The following POLR3H variants were observed in gnomAD, a reference collection of about 807,000 sequenced individuals.
The protein encoded by POLR3H is DNA-directed RNA polymerase III subunit RPC8.
A neutral mutation model predicts 25.5 loss-of-function variants in POLR3H; 17 were observed. The observed-to-expected ratio is 0.67, with a 90% confidence interval of 0.46 to 1.00. The LOEUF (loss-of-function observed/expected upper bound fraction) is 1.00, where lower values mean the gene tolerates loss of function less well. Ranked by LOEUF, POLR3H falls within the 50% of genes least tolerant of loss-of-function variation. The pLI is 0.00. For missense variants in POLR3H, 274 were observed against 265.0 expected (o/e 1.03, Z -0.24); for synonymous variants, 129 against 103.0 (o/e 1.25, Z -1.53).
chr22:41,532,716 A>G lies in POLR3H; in HGVS notation c.238T>C (p.Phe80Leu), dbSNP rs1335546585. The change falls in exon 3 of 6, where the codon TTC becomes CTC. Residue 80 changes from phenylalanine (F) to leucine (L), a missense_variant. Physicochemically the swap from Phe to Leu is conservative, Grantham distance 22 (BLOSUM62 0). Coordinates refer to ENST00000355209, the MANE Select transcript of POLR3H (RefSeq NM_001018050.4). ...TTCCCAATGAGAATCTCATCTAGGA[A>G]TGGATGAAACACCACGCAGCGAAAA... ...VHFRCVVFHP[F>L]LDEILIGKIK... is the part of the protein sequence containing the mutation. 1.9e-6 allele frequency: 3 copies of G among 1,613,960 alleles called. No homozygotes were observed. The highest frequency in any genetic ancestry group is 2.7e-5 in the African/African-American group (2 of 74,924).
Position 41,530,887 on chromosome 22 carries a change from C to T in POLR3H, c.361G>A (p.Asp121Asn). 6.2e-7 allele frequency: 1 copy of T among 1,613,652 alleles called. No individual in the cohort carries two copies. The highest frequency in any genetic ancestry group is 8.5e-7 in the Non-Finnish European group (1 of 1,180,006). The stretch of plus-strand genomic sequence containing the variant: ...CACACCCACACCTGCTCCGCTTCGT[C>T]GCTGAGGGGGTCCAGGGTCAAGGCA... ...PESLQQPAKF[D>N]EAEQVWVWEY... Residue 121 changes from aspartate (D) to asparagine (N), a missense_variant and splice_region_variant, in exon 5 of 6, where the codon GAC (aspartate) becomes AAC (asparagine). Physicochemically the swap from Asp to Asn is conservative, Grantham distance 23. Transcript: ENST00000355209.
intron 5 of POLR3H, chr22:41,529,540 G>T: frequency 1.5e-6 from 1 of 666,488 alleles, no homozygotes; most frequent in Non-Finnish European, 2.7e-6. Flanking sequence ...CTTCTCCAGG[G>T]ACTCCAGGCC....
intron 2 of POLR3H, among the ~76,000 whole-genome samples, chr22:41,534,662 C>T (rs1215176859): frequency 5.9e-5 from 9 of 151,942 alleles, no homozygotes; most frequent in East Asian, 3.9e-4. Context: ...GAGGTCGAGG[C>T]GGGCGGATCA....
Position 41,526,038 on chromosome 22 carries a change from T to C in POLR3H, c.*3245A>G, listed in dbSNP as rs1007926635. On this transcript the variant is annotated 3_prime_UTR_variant, in exon 6 of 6. Transcript: ENST00000355209. ...GCGGCCTCTGCCCCATAAGGGAGAC[T>C]GAGCAGCCAGAGGCCTTTGAGGGGA... 1 of 496,718 alleles carries C rather than the reference T, an allele frequency of 2.0e-6. No homozygotes were observed. The highest frequency in any genetic ancestry group is 1.9e-5 in the African/African-American group (1 of 51,872). The allele number at this position is 496,718 out of a possible 1,614,324, so 30.8% of individuals were successfully genotyped here.
intron 2 of POLR3H, among the ~76,000 whole-genome samples, chr22:41,537,898 C>T (rs1353321277): frequency 6.6e-6 from 1 of 151,948 alleles, no homozygotes; most frequent in East Asian, 1.9e-4. Flanking sequence ...TCAAGCGATT[C>T]TCCTGCCTCC....
chr22:41,543,415 C>T (rs527395086), intron 1 of POLR3H, among the ~76,000 whole-genome samples: 1 of 151,918 alleles, frequency 6.6e-6, no homozygotes, highest in Non-Finnish European at 1.5e-5. Context: ...ATCAAGAGAT[C>T]GAGACCATCC....
At position 41,528,723 on chromosome 22, in the gene POLR3H, A is replaced by G; in HGVS notation, c.*560T>C. 6.9e-7 allele frequency: 1 copy of G among 1,440,500 alleles called. No homozygotes were observed. Among genetic ancestry groups the G allele is most frequent in the Non-Finnish European group, 9.3e-7 (1 of 1,079,374 alleles). 89.2% of individuals were successfully genotyped at this position (1,440,500 alleles called of 1,614,324 possible). ...TCCTATTCCAAGATGGTGTGACCAG[A>G]CATGCTTCCTGCTCCCCGCTTAGCC... On this transcript the variant is annotated 3_prime_UTR_variant, in exon 6 of 6. Transcript: ENST00000355209.
chr22:41,541,726 C>T lies in POLR3H; in HGVS notation c.112-931G>A, dbSNP rs375392856. Among the ~76,000 whole-genome samples, 74 of 152,350 alleles carry T rather than the reference C, an allele frequency of 4.9e-4. No homozygotes were observed. In the South Asian group the frequency reaches 7.3e-3, roughly 15 times the overall value. ...CTATATTCCCTTCTTGGACTTTCCA[C>T]ACCTTCTCTCTCAAGGTCCACACCT... On this transcript the variant is annotated intron_variant, in intron 1 of 5. Coordinates refer to ENST00000355209, the MANE Select transcript of POLR3H (RefSeq NM_001018050.4).
intron 2 of POLR3H, among the ~76,000 whole-genome samples, chr22:41,537,290 ACTGT>A (rs1453132510): frequency 6.6e-6 from 1 of 152,064 alleles, no homozygotes; most frequent in Non-Finnish European, 1.5e-5. Flanking sequence ...CTGTTATTAT[ACTGT>A]GTGCACAGAT....
Position 41,527,811 on chromosome 22 carries a change from G to A in POLR3H, c.*1472C>T. On this transcript the variant is annotated 3_prime_UTR_variant, in exon 6 of 6. Coordinates refer to ENST00000355209, the MANE Select transcript of POLR3H (RefSeq NM_001018050.4). ...GCATTGTCCCAGGCAGCAGGATTAGGGGCATCTCCCAGAGCCCCAGATGGG... is the reference window on the plus strand; with the variant it reads ...GCATTGTCCCAGGCAGCAGGATTAGAGGCATCTCCCAGAGCCCCAGATGGG... 6.3e-7 allele frequency: 1 copy of A among 1,595,310 alleles called. No homozygotes were observed.
chr22:41,529,521 G>T, intron 5 of POLR3H, 185 bp from the exon 6 acceptor site: 1 of 662,992 alleles, frequency 1.5e-6, no homozygotes. Flanking sequence ...AGCACGCAGG[G>T]CGCAGACCCT....
intron 5 of POLR3H, among the ~76,000 whole-genome samples, chr22:41,530,248 G>A (rs1418677703): frequency 6.6e-6 from 1 of 152,060 alleles, no homozygotes; most frequent in Non-Finnish European, 1.5e-5. Flanking sequence ...CAAGTAGCTG[G>A]GACCACAGGG....
In POLR3H at chr22:41,544,198, C is replaced by A; in HGVS notation, c.-97G>T. 2.8e-6 allele frequency: 2 copies of A among 707,076 alleles called. No individual in the cohort carries two copies. Among genetic ancestry groups the A allele is most frequent in the South Asian group, 3.7e-5 (2 of 54,388 alleles). 43.8% of individuals were successfully genotyped at this position (707,076 alleles called of 1,614,324 possible). Reference sequence around the variant, plus strand: ...CCGAGCCCCTTGGTCCCGTCCCAGTCGCTGAGGCCCCCAGGCTGGCGGTGA... The same window carrying A: ...CCGAGCCCCTTGGTCCCGTCCCAGTAGCTGAGGCCCCCAGGCTGGCGGTGA... On this transcript the variant is annotated 5_prime_UTR_variant, in exon 1 of 6. Coordinates refer to ENST00000355209, the MANE Select transcript of POLR3H (RefSeq NM_001018050.4).
intron 2 of POLR3H, chr22:41,539,711 A>G (rs927353868): frequency 6.6e-6 from 1 of 152,198 alleles, no homozygotes; most frequent in Non-Finnish European, 1.5e-5. Context: ...GAACCTTAAA[A>G]CCGCCAAGCC....
At position 41,544,436 on chromosome 22, in the gene POLR3H, A is replaced by ACGCACCACGCACCGCGCACCG. The variant is rs1555894503; in HGVS notation, c.-336_-335insCGGTGCGCGGTGCGTGGTGCG. 2,507 of 187,208 alleles carry ACGCACCACGCACCGCGCACCG rather than the reference A, an allele frequency of 0.013. 49 individuals are homozygous for ACGCACCACGCACCGCGCACCG. The highest frequency in any genetic ancestry group is 0.053 in the African/African-American group (2,234 of 42,070). 11.6% of individuals were successfully genotyped at this position (187,208 alleles called of 1,614,324 possible). A position where few individuals can be genotyped will look rare whatever the true frequency, so the allele number is the denominator to read the frequency against. On this transcript the variant is annotated 5_prime_UTR_variant, in exon 1 of 6. Coordinates refer to ENST00000355209, the MANE Select transcript of POLR3H (RefSeq NM_001018050.4). The stretch of plus-strand genomic sequence containing the variant: ...CCGCTCGTATCACGCACCACGCACC[A>ACGCACCACGCACCGCGCACCG]CGCACCGCGCACAGCCGCTCGCGCT...
intron 5 of POLR3H, chr22:41,529,799 G>C (rs1443310540): frequency 4.7e-6 from 2 of 426,320 alleles, no homozygotes; most frequent in South Asian, 3.3e-5. Context: ...ACTGTCACCC[G>C]GGCTGGAGTG....
rs201966659 is a variant in POLR3H, at chr22:41,540,716, C to G, written c.191G>C (p.Gly64Ala). The G allele has an allele frequency of 6.2e-7, 1 of 1,613,772 alleles. No homozygotes were observed. The highest frequency in any genetic ancestry group is 2.2e-5 in the East Asian group (1 of 44,888). ...ATACCCACCTTTGGTGTGTGATGCG[C>G]CATCCCCAGGGAATACATAGGCATC... The part of the protein sequence containing the change: ...LEDAYVFPGD[G>A]ASHTKVHFRC... Residue 64 changes from glycine to alanine, a missense_variant, in exon 2 of 6, where the codon GGC (glycine) becomes GCC (alanine). By Grantham distance (60) the Gly-to-Ala change is moderately conservative. Transcript: ENST00000355209.
intron 3 of POLR3H, 146 bp from the exon 4 acceptor site, chr22:41,532,303 C>CTAA (rs757732331): frequency 1.1e-5 from 9 of 799,396 alleles, no homozygotes; most frequent in Non-Finnish European, 1.9e-5. Flanking sequence ...CCTTCCCCAC[C>CTAA]TAATGCCTCT....
Position 41,528,558 on chromosome 22 carries a change from T to C in POLR3H, c.*725A>G. On this transcript the variant is annotated 3_prime_UTR_variant, in exon 6 of 6. Transcript: ENST00000355209. ...AACCACACCTTCAACGAGACGCAGA[T>C]TGAGTGGTTCCGCGCTGGCAGTGCC... The C allele has an allele frequency of 6.2e-7, 1 of 1,613,204 alleles. No individual in the cohort carries two copies. The highest frequency in any genetic ancestry group is 8.5e-7 in the Non-Finnish European group (1 of 1,180,000).
Sources: gnomAD v4.1 joint callset for allele counts (sites outside exome capture counted in the v4.1 genomes callset) on GRCh38, gnomAD v4.1.1 for gene constraint, MANE v1.5 for transcripts, NCBI Gene and HGNC (gene_info 2026-07-23, HGNC 2026-07-21) for gene names.